The following EIF2B3 variants were observed in gnomAD, a reference collection of about 807,000 sequenced individuals.
EIF2B3 encodes translation initiation factor eIF2B subunit gamma.
Under a neutral mutation model 54.1 loss-of-function variants are expected in EIF2B3, and 20 were observed. The observed-to-expected ratio is 0.37, with a 90% CI of 0.26 to 0.54. The LOEUF is 0.54. Ranked by LOEUF, EIF2B3 falls within the 20% of genes least tolerant of loss-of-function variation. EIF2B3 has a pLI of 0.86. For synonymous variants in EIF2B3, 153 were observed against 188.1 expected (o/e 0.81, Z 1.52); for missense variants, 448 against 547.8 (o/e 0.82, Z 1.82).
chr1:44,929,481 G>T (rs565396165), intron 4 of EIF2B3, among the ~76,000 whole-genome samples: 1 of 152,272 alleles, frequency 6.6e-6, no homozygotes, highest in South Asian at 2.1e-4. Context: ...ATATGTTGGG[G>T]TTTTTTAGTT....
rs182877101 is a variant in EIF2B3, at chr1:44,981,147, T to A, written c.22A>T (p.Met8Leu). MEFQAVVMAVGGGSRMTD... is the reference protein window; with the variant it reads MEFQAVVLAVGGGSRMTD... Reference sequence around the variant, plus strand: ...ATCCGAGATCCTCCACCTACTGCCATCACTACTGCTTGAAATTCCATTTTT... The same window carrying A: ...ATCCGAGATCCTCCACCTACTGCCAACACTACTGCTTGAAATTCCATTTTT... The change falls in exon 2 of 12, where the codon ATG becomes TTG. Residue 8 changes from methionine (M) to leucine (L), a missense_variant. This residue lies in a region of EIF2B3 where 95 missense variants were observed against 115.7 expected (regional missense o/e 0.82). Coordinates refer to ENST00000360403, the MANE Select transcript of EIF2B3 (RefSeq NM_020365.5). 68 of 1,612,850 alleles carry A rather than the reference T, an allele frequency of 4.2e-5. No individual in the cohort carries two copies. The East Asian group carries it at 1.4e-3, about 34-fold the overall frequency.
intron 5 of EIF2B3, among the ~76,000 whole-genome samples, chr1:44,920,636 T>C (rs192092154): frequency 6.6e-6 from 1 of 152,316 alleles, no homozygotes; most frequent in East Asian, 1.9e-4. Context: ...AGTGAAAACA[T>C]GCAGTTTGTC....
intron 3 of EIF2B3, among the ~76,000 whole-genome samples, chr1:44,950,964 C>T (rs1644154421): frequency 6.6e-6 from 1 of 152,232 alleles, no homozygotes; most frequent in Non-Finnish European, 1.5e-5. Flanking sequence ...GTTGGGATTA[C>T]AGGCGTAAGC....
In EIF2B3 at chr1:44,873,976, T is replaced by A. The variant is rs189956176; in HGVS notation, c.1202+702A>T. On this transcript the variant is annotated intron_variant, in intron 10 of 11. Coordinates refer to ENST00000360403, the MANE Select transcript of EIF2B3 (RefSeq NM_020365.5). Reference sequence around the variant, plus strand: ...GAAGTGTTTTAGATTTTGGATTTTTTAAAATTTTTTTGAATATTTGCATTA... The same window carrying A: ...GAAGTGTTTTAGATTTTGGATTTTTAAAAATTTTTTTGAATATTTGCATTA... 5.5e-3 allele frequency among the ~76,000 whole-genome samples: 820 copies of A among 150,192 alleles called. 2 individuals are homozygous for A. The highest frequency in any genetic ancestry group is 0.014 in the East Asian group (75 of 5,184).
At chr1:44,880,940 G>A (rs1054215210) in intron 7 of EIF2B3, among the ~76,000 whole-genome samples, 9 of 151,280 alleles carry the variant, frequency 5.9e-5, no homozygotes, top group Non-Finnish European at 1.0e-4. Context: ...CAGCCTGGGC[G>A]ACAGAGGGAG....
Position 44,979,374 on chromosome 1 carries a change from A to C in EIF2B3, c.149-914T>G, listed in dbSNP as rs1225994455. Among the ~76,000 whole-genome samples, 5 of 150,744 alleles carry C rather than the reference A, an allele frequency of 3.3e-5. No individual in the cohort carries two copies. The Admixed American group carries it at 3.3e-4, about 10-fold the overall frequency. Reference sequence around the variant, plus strand: ...AACATTAATCAAAAATACAAATGGGAAGAAATATAAAAAACACTCTGGGAA... The same window carrying C: ...AACATTAATCAAAAATACAAATGGGCAGAAATATAAAAAACACTCTGGGAA... On this transcript the variant is annotated intron_variant, in intron 2 of 11. Transcript: ENST00000360403.
At chr1:44,947,688 C>T (rs977618573) in intron 3 of EIF2B3, among the ~76,000 whole-genome samples, 1 of 152,154 alleles carries the variant, frequency 6.6e-6, no homozygotes, top group African/African-American at 2.4e-5. Flanking sequence ...TACCATGCTT[C>T]TCTACTCACC....
intron 10 of EIF2B3, among the ~76,000 whole-genome samples, chr1:44,860,211 G>A (rs766171539): frequency 2.6e-5 from 4 of 151,978 alleles, no homozygotes; most frequent in Non-Finnish European, 5.9e-5. Context: ...GTGCAGTGGC[G>A]TGATCTTGAC....
At chr1:44,934,699 TTCAC>T (rs1456935487) in intron 4 of EIF2B3, among the ~76,000 whole-genome samples, 1 of 152,018 alleles carries the variant, frequency 6.6e-6, no homozygotes, top group Non-Finnish European at 1.5e-5. Context: ...GAGACAGGGT[TTCAC>T]CATGTTGGCC....
At chr1:44,901,120 AT>A (rs920893030) in intron 5 of EIF2B3, among the ~76,000 whole-genome samples, 24 of 147,584 alleles carry the variant, frequency 1.6e-4, no homozygotes, top group Non-Finnish European at 2.3e-4. Context: ...TGAAAAAAAA[AT>A]TTTTTTTTTT....
chr1:44,888,288 C>T (rs1202450475), intron 6 of EIF2B3, among the ~76,000 whole-genome samples: 1 of 152,168 alleles, frequency 6.6e-6, no homozygotes, highest in East Asian at 1.9e-4. Flanking sequence ...GTTTGGGCGG[C>T]AACTTACAAA....
chr1:44,963,683 T>C (rs1644308468), intron 3 of EIF2B3, among the ~76,000 whole-genome samples: 1 of 152,206 alleles, frequency 6.6e-6, no homozygotes, highest in Non-Finnish European at 1.5e-5. Flanking sequence ...TGACTTCCCA[T>C]AAATTGTACT....
chr1:44,951,289 C>G (rs1644157878), intron 3 of EIF2B3, among the ~76,000 whole-genome samples: 2 of 152,138 alleles, frequency 1.3e-5, no homozygotes, highest in African/African-American at 4.8e-5. Flanking sequence ...AATGAACAAA[C>G]AAACAAAAAT....
At chr1:44,918,331 C>G (rs1557684937) in intron 5 of EIF2B3, among the ~76,000 whole-genome samples, 1 of 151,816 alleles carries the variant, frequency 6.6e-6, no homozygotes, top group Non-Finnish European at 1.5e-5. Context: ...ACCTGGCCGT[C>G]TTGGCCTCCC....
At chr1:44,955,120 T>C (rs908220260) in intron 3 of EIF2B3, among the ~76,000 whole-genome samples, 2 of 152,152 alleles carry the variant, frequency 1.3e-5, no homozygotes, top group Admixed American at 6.5e-5. Flanking sequence ...CTTCAAACTA[T>C]ACTACAAGGC....
rs966135471 is a variant in EIF2B3 at position 44,941,606 on chromosome 1, C to T, written c.354G>A (p.Val118=). 1.2e-6 allele frequency: 2 copies of T among 1,614,002 alleles called. No homozygotes were observed. Among genetic ancestry groups the T allele is most frequent in the African/African-American group, 2.7e-5 (2 of 74,908 alleles). The change falls in exon 4 of 12, where the codon GTG becomes GTA. Residue 118 remains valine, a synonymous_variant. Coordinates refer to ENST00000360403, the MANE Select transcript of EIF2B3 (RefSeq NM_020365.5). ...LITDVALHEV[V]DLFRAYDASL... ...ATGCATCATAAGCTCTAAACAGGTCCACAACCTCATGTAAGGCAACGTCTG... is the reference window on the plus strand; with the variant it reads ...ATGCATCATAAGCTCTAAACAGGTCTACAACCTCATGTAAGGCAACGTCTG...
At chr1:44,971,082 G>A (rs887778487) in intron 3 of EIF2B3, among the ~76,000 whole-genome samples, 1 of 152,138 alleles carries the variant, frequency 6.6e-6, no homozygotes, top group Non-Finnish European at 1.5e-5. Context: ...CTAAAATAAG[G>A]AGTAAAAGAT....
chr1:44,980,246 C>T (rs1219989596), intron 2 of EIF2B3, among the ~76,000 whole-genome samples: 7 of 152,058 alleles, frequency 4.6e-5, no homozygotes, highest in Admixed American at 2.0e-4. Flanking sequence ...GGGCAGATCA[C>T]GAGGTCCTGA....
chr1:44,858,244 G>A (rs1170495997), intron 10 of EIF2B3, among the ~76,000 whole-genome samples: 4 of 151,586 alleles, frequency 2.6e-5, no homozygotes, highest in Non-Finnish European at 5.9e-5. Context: ...AATTACTTCA[G>A]TTCTTTAGGA....
Sources: allele counts gnomAD v4.1 joint callset (sites outside exome capture counted in the v4.1 genomes callset), GRCh38; gene constraint gnomAD v4.1.1; regional missense constraint gnomAD v4.1.1; transcripts MANE v1.5; gene names NCBI Gene and HGNC (gene_info 2026-07-23, HGNC 2026-07-21).